The following CSMD1 variants were observed in gnomAD, a reference collection of about 807,000 sequenced individuals.
The protein encoded by CSMD1 is CUB and Sushi multiple domains 1.
Under a neutral mutation model 417.5 loss-of-function variants are expected in CSMD1, and 213 were observed. The observed-to-expected ratio is 0.51, with a 90% confidence interval of 0.46 to 0.57. The LOEUF (loss-of-function observed/expected upper bound fraction) is 0.57, where lower values mean the gene tolerates loss of function less well. Ranked by LOEUF, CSMD1 falls within the 20% of genes least tolerant of loss-of-function variation. The pLI, the probability that CSMD1 is intolerant of heterozygous loss-of-function variation, is 0.00. For synonymous variants in CSMD1, 2,862 were observed against 1,736.8 expected, an observed-to-expected ratio of 1.65 and a Z score of -16.11; for missense variants, 6,923 against 4,529.7, an observed-to-expected ratio of 1.53 and a Z score of -15.17.
At position 4,273,525 on chromosome 8, in the gene CSMD1, T is replaced by C. The variant is rs554491835; in HGVS notation, c.415+146428A>G. On this transcript the variant is annotated intron_variant, in intron 3 of 69. Transcript: ENST00000635120. ...AAGTAGCAAATAAGAATAGAGGACA[T>C]TCTATTAACTTCAATTTTCAGTTAA... Among the ~76,000 whole-genome samples, 11 of 152,260 alleles carry C rather than the reference T, an allele frequency of 7.2e-5. No homozygotes were observed. In the East Asian group the frequency reaches 1.4e-3, roughly 19 times the overall value.
At chr8:4,870,423 T>A (rs1027521302) in intron 1 of CSMD1, among the ~76,000 whole-genome samples, 1 of 152,170 alleles carries the variant, frequency 6.6e-6, no homozygotes, top group Admixed American at 6.5e-5. Flanking sequence ...TCTTAAAGGA[T>A]GCATAGTATT....
At chr8:3,959,608 C>G (rs1446013993) in intron 5 of CSMD1, among the ~76,000 whole-genome samples, 1 of 152,190 alleles carries the variant, frequency 6.6e-6, no homozygotes. Context: ...CCAAATGCTC[C>G]AAATCACAGC....
At chr8:4,446,755 CTGTGTGTGTG>C (rs58002310) in intron 2 of CSMD1, among the ~76,000 whole-genome samples, 4,375 of 132,940 alleles carry the variant, frequency 0.033, 120 homozygotes, top group East Asian at 0.066. Context: ...GTGTGTGTGT[CTGTGTGTGTG>C]TGTGTGTGTG....
chr8:3,549,638 A>G (rs1199169133), intron 10 of CSMD1, among the ~76,000 whole-genome samples: 2 of 152,218 alleles, frequency 1.3e-5, no homozygotes, highest in African/African-American at 4.8e-5. Context: ...AACCTCAGCT[A>G]GCATGATGGG....
At chr8:4,364,267 G>C (rs1329450665) in intron 3 of CSMD1, among the ~76,000 whole-genome samples, 2 of 152,080 alleles carry the variant, frequency 1.3e-5, no homozygotes, top group African/African-American at 4.8e-5. Flanking sequence ...GGGGCAGAAA[G>C]GATTACAACT....
intron 3 of CSMD1, among the ~76,000 whole-genome samples, chr8:4,418,429 G>T (rs974587938): frequency 1.3e-5 from 2 of 152,090 alleles, no homozygotes; most frequent in African/African-American, 4.8e-5. Context: ...TATTCATATA[G>T]TGATTTCTCA....
At chr8:4,590,768 T>C (rs960842503) in intron 2 of CSMD1, among the ~76,000 whole-genome samples, 10 of 152,318 alleles carry the variant, frequency 6.6e-5, no homozygotes, top group South Asian at 6.2e-4. Flanking sequence ...CTGAGGACAC[T>C]AGTAACTAAG....
At chr8:3,386,581 A>G (rs907086897) in intron 18 of CSMD1, among the ~76,000 whole-genome samples, 1 of 152,208 alleles carries the variant, frequency 6.6e-6, no homozygotes, top group Non-Finnish European at 1.5e-5. Flanking sequence ...GCTCATTTTA[A>G]AGAAGTCAAG....
At chr8:3,277,255 C>A (rs1209205177) in intron 26 of CSMD1, among the ~76,000 whole-genome samples, 1 of 151,996 alleles carries the variant, frequency 6.6e-6, no homozygotes, top group Non-Finnish European at 1.5e-5. Flanking sequence ...GAGAAGTCAC[C>A]CTGGCTGAGA....
At chr8:4,459,715 A>G (rs747962919) in intron 2 of CSMD1, among the ~76,000 whole-genome samples, 2 of 152,216 alleles carry the variant, frequency 1.3e-5, no homozygotes, top group Non-Finnish European at 2.9e-5. Context: ...AAGTTCAGAA[A>G]TAATGAAGCA....
Position 4,280,399 on chromosome 8 carries a change from G to C in CSMD1, c.415+139554C>G, listed in dbSNP as rs11984584. 4.1e-3 allele frequency among the ~76,000 whole-genome samples: 623 copies of C among 152,246 alleles called. 4 individuals carry two copies. The highest frequency in any genetic ancestry group is 0.014 in the African/African-American group (572 of 41,536). On this transcript the variant is annotated intron_variant, in intron 3 of 69. Transcript: ENST00000635120. ...ACGACATGTTTTCTTCAGTTGTCTA[G>C]AATCTGACAATTAAATTTTAGTACC...
chr8:3,598,367 T>G (rs148487052), intron 8 of CSMD1: 1 of 152,200 alleles, frequency 6.6e-6, no homozygotes, highest in African/African-American at 2.4e-5. Context: ...TCTTGTCATT[T>G]AGATCCAGCC....
chr8:4,392,870 A>G (rs141887509), intron 3 of CSMD1, among the ~76,000 whole-genome samples: 4,023 of 151,874 alleles, frequency 0.026, 169 homozygotes, highest in African/African-American at 0.092. Context: ...CAGGGAGGCT[A>G]AGGCAGGAGA....
At chr8:4,013,136 T>C (rs1796359320) in intron 4 of CSMD1, among the ~76,000 whole-genome samples, 1 of 152,162 alleles carries the variant, frequency 6.6e-6, no homozygotes, top group African/African-American at 2.4e-5. Flanking sequence ...ATCCCCCCAT[T>C]GTGCTCCCAC....
intron 2 of CSMD1, among the ~76,000 whole-genome samples, chr8:4,608,451 T>G (rs546267812): frequency 1.3e-5 from 2 of 152,322 alleles, no homozygotes; most frequent in African/African-American, 4.8e-5. Context: ...GCCAGTGGAT[T>G]GAACGTGGAG....
Position 4,244,047 on chromosome 8 carries a change from T to C in CSMD1, c.415+175906A>G, listed in dbSNP as rs75690645. Among the ~76,000 whole-genome samples, 566 of 152,296 alleles carry C rather than the reference T, an allele frequency of 3.7e-3. 3 individuals are homozygous for C. Among genetic ancestry groups the C allele is most frequent in the African/African-American group, 0.013 (541 of 41,564 alleles). The stretch of plus-strand genomic sequence containing the variant: ...TAACCTGGCTGCAGGCTCTTTGTTT[T>C]TATGTTAAAGTGCAGGTAGTCCTGT... On this transcript the variant is annotated intron_variant, in intron 3 of 69. Coordinates refer to ENST00000635120, the MANE Select transcript of CSMD1 (RefSeq NM_033225.6).
chr8:3,885,776 T>A (rs947519643), intron 5 of CSMD1, among the ~76,000 whole-genome samples: 1 of 152,172 alleles, frequency 6.6e-6, no homozygotes, highest in African/African-American at 2.4e-5. Context: ...CAAGTTTATT[T>A]ATGACAGAAA....
intron 3 of CSMD1, among the ~76,000 whole-genome samples, chr8:4,216,720 T>A (rs1800695335): frequency 6.6e-6 from 1 of 152,132 alleles, no homozygotes; most frequent in Non-Finnish European, 1.5e-5. Flanking sequence ...GGAGGGGGTA[T>A]AAACGAATGG....
intron 3 of CSMD1, among the ~76,000 whole-genome samples, chr8:4,297,512 G>C (rs1797751065): frequency 6.6e-6 from 1 of 152,086 alleles, no homozygotes; most frequent in Non-Finnish European, 1.5e-5. Context: ...GGCCATTTTT[G>C]CTTCTATAGC....
Sources: gnomAD v4.1 joint callset for allele counts (sites outside exome capture counted in the v4.1 genomes callset) on GRCh38, gnomAD v4.1.1 for gene constraint, MANE v1.5 for transcripts, NCBI Gene and HGNC (gene_info 2026-07-23, HGNC 2026-07-21) for gene names.